Variants in KDM3B observed in about 807,000 individuals in gnomAD.
KDM3B encodes lysine demethylase 3B.
KDM3B carries 10 observed loss-of-function variants against 170.0 expected under a neutral mutation model. The observed-to-expected ratio is 0.06, with a 90% CI of 0.04 to 0.10. KDM3B has a LOEUF of 0.10. Ranked by LOEUF, KDM3B falls within the 10% of genes least tolerant of loss-of-function variation. The pLI is 1.00. For synonymous variants in KDM3B, 831 were observed against 834.8 expected (o/e 1.00, Z 0.08); for missense variants, 1,394 against 2,195.2 (o/e 0.64, Z 7.29).
In KDM3B at chr5:138,415,226, T is replaced by C. The variant is rs1442905134; in HGVS notation, c.3294T>C (p.Ile1098=). The part of the protein sequence containing the change: ...HEPENLMPTQ[I]IPGTALYNIG... The stretch of plus-strand genomic sequence containing the variant: ...CAGAGAATCTCATGCCCACACAAAT[T>C]ATTCCTGGCACAGGTAAGGAAATTC... The change falls in exon 12 of 24, where the codon ATT becomes ATC. Residue 1098 remains isoleucine (I), a synonymous_variant. Coordinates refer to ENST00000314358, the MANE Select transcript of KDM3B (RefSeq NM_016604.4). 1 of 1,603,208 alleles carries C rather than the reference T, an allele frequency of 6.2e-7. No homozygotes were observed. The highest frequency in any genetic ancestry group is 8.5e-7 in the Non-Finnish European group (1 of 1,171,770).
At chr5:138,370,681 G>A (rs929683211) in intron 1 of KDM3B, among the ~76,000 whole-genome samples, 1 of 152,210 alleles carries the variant, frequency 6.6e-6, no homozygotes, top group African/African-American at 2.4e-5. Context: ...TACAGGAAAT[G>A]CCTGGTGCCC....
In KDM3B at chr5:138,419,665, AAAAAT is replaced by A. The variant is rs1411066675; in HGVS notation, c.3715+435_3715+439del. 1.6e-5 allele frequency among the ~76,000 whole-genome samples: 2 copies of A among 126,258 alleles called. 1 individual carries two copies. The highest frequency in any genetic ancestry group is 6.1e-5 in the African/African-American group (2 of 32,686). The allele number at this position is 126,258 out of a possible 152,430, so 82.8% of individuals were successfully genotyped here. ...AAGACTCTGTCTCAAAAAAAAAAAA[AAAAAT>A]ATATATATATATATATATACATATA... On this transcript the variant is annotated intron_variant, in intron 14 of 23. Coordinates refer to ENST00000314358, the MANE Select transcript of KDM3B (RefSeq NM_016604.4).
rs370929710 is a variant in KDM3B at position 138,366,092 on chromosome 5, A to G, written c.193-6582A>G. ...TCTCATCCCAACCCTCCTACTCACAATCCCCTCCCCTCAAATAATCTGCAA... is the reference window on the plus strand; with the variant it reads ...TCTCATCCCAACCCTCCTACTCACAGTCCCCTCCCCTCAAATAATCTGCAA... On this transcript the variant is annotated intron_variant, in intron 1 of 23. Transcript: ENST00000314358. 5.7e-4 allele frequency among the ~76,000 whole-genome samples: 86 copies of G among 150,268 alleles called. No individual in the cohort carries two copies. The South Asian group carries it at 8.6e-3, about 15-fold the overall frequency.
chr5:138,392,339 G>A (rs1190629007), intron 8 of KDM3B, 78 bp downstream of exon 8: 1 of 1,363,462 alleles, frequency 7.3e-7, no homozygotes, highest in South Asian at 1.9e-5. Context: ...TGCAGCAGAG[G>A]CACTCACTTT....
At chr5:138,389,198 T>G (rs1762358545) in intron 7 of KDM3B, among the ~76,000 whole-genome samples, 1 of 152,176 alleles carries the variant, frequency 6.6e-6, no homozygotes, top group Non-Finnish European at 1.5e-5. Context: ...TACTTACTGG[T>G]TAGTAGGAAG....
chr5:138,428,508 G>C (rs1029516943), intron 20 of KDM3B, among the ~76,000 whole-genome samples: 6 of 152,178 alleles, frequency 3.9e-5, no homozygotes, highest in African/African-American at 1.4e-4. Flanking sequence ...ACTGCACCCG[G>C]CTTCTTTTTT....
rs59587225 is a variant in KDM3B, at chr5:138,362,292, GA to G, written c.192+9315del. Reference sequence around the variant, plus strand: ...AGATTGCACCACTGTACTCCAGCCTGAAAAAAAAAACAAAAGAAGGAACTCT... The same window carrying G: ...AGATTGCACCACTGTACTCCAGCCTGAAAAAAAAACAAAAGAAGGAACTCT... On this transcript the variant is annotated intron_variant, in intron 1 of 23. Coordinates refer to ENST00000314358, the MANE Select transcript of KDM3B (RefSeq NM_016604.4). Among the ~76,000 whole-genome samples the G allele has an allele frequency of 6.8e-5, 10 of 147,522 alleles. No homozygotes were observed. The South Asian group carries it at 1.1e-3, about 16-fold the overall frequency.
chr5:138,379,696 G>A lies in KDM3B; in HGVS notation c.693G>A (p.Val231=), dbSNP rs752857714. 28 of 1,613,352 alleles carry A rather than the reference G, an allele frequency of 1.7e-5. No homozygotes were observed. ...ACTCCATCACTCGTCTTATGGAGGT[G>A]TCTGTAACTGAGGTGAGACTCTGTG... is the stretch of plus-strand genomic sequence containing the variant. ...HQDSITRLME[V]SVTESGEIKS... is the part of the protein sequence containing the mutation. The change falls in exon 5 of 24, where the codon GTG becomes GTA. Residue 231 remains valine (V), a synonymous_variant. Coordinates refer to ENST00000314358, the MANE Select transcript of KDM3B (RefSeq NM_016604.4).
intron 11 of KDM3B, among the ~76,000 whole-genome samples, chr5:138,401,953 G>A (rs1762704979): frequency 6.6e-6 from 1 of 151,238 alleles, no homozygotes; most frequent in African/African-American, 2.4e-5. Context: ...TTTTAAGAAA[G>A]GGTCTCGCTT....
chr5:138,427,943 T>C (rs1429107828), intron 19 of KDM3B, 24 bp from the exon 20 acceptor site: 1 of 1,608,624 alleles, frequency 6.2e-7, no homozygotes, highest in Non-Finnish European at 8.5e-7. Context: ...CCCTTCACCT[T>C]GCATATTTTC....
chr5:138,364,324 C>T (rs1761690596), intron 1 of KDM3B, among the ~76,000 whole-genome samples: 1 of 151,974 alleles, frequency 6.6e-6, no homozygotes, highest in Non-Finnish European at 1.5e-5. Flanking sequence ...GCTTTTATAA[C>T]GCAAAAGATA....
intron 11 of KDM3B, among the ~76,000 whole-genome samples, chr5:138,411,802 C>A (rs183389343): frequency 6.6e-6 from 1 of 150,594 alleles, no homozygotes; most frequent in East Asian, 2.0e-4. Context: ...CAGGATCAAG[C>A]GATCCTCCTG....
In KDM3B at chr5:138,430,445, T is replaced by A. The variant is rs368200225; in HGVS notation, c.5070+20T>A. On this transcript the variant is annotated intron_variant, in intron 22 of 23. Coordinates refer to ENST00000314358, the MANE Select transcript of KDM3B (RefSeq NM_016604.4). The stretch of plus-strand genomic sequence containing the variant: ...CACCAGGTGGGTTCCTGCTTGGGGG[T>A]TGGGCTGAACAGTTCCATGGGCTTT... 1.3e-5 allele frequency: 21 copies of A among 1,611,390 alleles called. No homozygotes were observed. The highest frequency in any genetic ancestry group is 1.7e-5 in the Admixed American group (1 of 59,936).
intron 1 of KDM3B, among the ~76,000 whole-genome samples, chr5:138,359,506 A>G (rs956791356): frequency 7.5e-6 from 1 of 132,738 alleles, no homozygotes; most frequent in African/African-American, 2.8e-5. Flanking sequence ...TGGGTCTCAC[A>G]GTTTTGCCCA....
chr5:138,375,309 A>G, intron 3 of KDM3B, 103 bp downstream of exon 3: 1 of 499,744 alleles, frequency 2.0e-6, no homozygotes, highest in East Asian at 3.1e-5. Flanking sequence ...GTGGGAACAT[A>G]TTAGCATTTC....
In KDM3B at chr5:138,391,288, T is replaced by C; in HGVS notation, c.1656T>C (p.Ser552=). The C allele has an allele frequency of 6.2e-7, 1 of 1,614,202 alleles. No homozygotes were observed. The highest frequency in any genetic ancestry group is 1.1e-5 in the South Asian group (1 of 91,086). ...CAGAGAGTTTGGCTGATGATTCTTC[T>C]AGTCGGGACTCATTCAAACAAAGCC... The part of the protein sequence containing the change: ...TVSESLADDS[S]SRDSFKQSLE... The change falls in exon 8 of 24, where the codon TCT becomes TCC. Residue 552 remains serine (S), a synonymous_variant. Transcript: ENST00000314358. This position sits in a 1 kb window ranked among gnomAD's most constrained non-coding sequence, Gnocchi z 5.0.
intron 11 of KDM3B, among the ~76,000 whole-genome samples, chr5:138,407,319 G>C (rs531608035): frequency 5.3e-5 from 8 of 152,140 alleles, no homozygotes; most frequent in African/African-American, 1.9e-4. Context: ...AGATATAATG[G>C]ACAAATTCCA....
intron 9 of KDM3B, among the ~76,000 whole-genome samples, chr5:138,395,102 A>G (rs1254768467): frequency 6.6e-6 from 1 of 152,128 alleles, no homozygotes; most frequent in African/African-American, 2.4e-5. Flanking sequence ...GAAAAGGGGG[A>G]GTTTTAACTT....
chr5:138,352,730 C>T lies in KDM3B; in HGVS notation c.-66C>T. ...GCGGAGGGAGGCCTTGCGGGCGGAT[C>T]GGGCGCTTGGCGGCGGAGGTGGTGG... is the stretch of plus-strand genomic sequence containing the variant. On this transcript the variant is annotated 5_prime_UTR_variant, in exon 1 of 24. Transcript: ENST00000314358. The T allele has an allele frequency of 3.0e-6, 3 of 1,016,472 alleles. No homozygotes were observed. The highest frequency in any genetic ancestry group is 3.5e-6 in the Non-Finnish European group (3 of 854,044). The allele number at this position is 1,016,472 out of a possible 1,614,324, so 63.0% of individuals were successfully genotyped here. A position where few individuals can be genotyped will look rare whatever the true frequency, so the allele number is the denominator to read the frequency against.
Sources: gnomAD v4.1 joint callset for allele counts (sites outside exome capture counted in the v4.1 genomes callset) on GRCh38, gnomAD v4.1.1 for gene constraint, Gnocchi (gnomAD v3.1) non-coding constraint, MANE v1.5 for transcripts, NCBI Gene and HGNC (gene_info 2026-07-23, HGNC 2026-07-21) for gene names.